Variants in FRAS1 observed in about 807,000 individuals in gnomAD.
FRAS1 encodes extracellular matrix organizing protein FRAS1.
Under a neutral mutation model 435.2 loss-of-function variants are expected in FRAS1, and 290 were observed. That is an observed-to-expected ratio of 0.67 (90% CI 0.61 to 0.73). The LOEUF (loss-of-function observed/expected upper bound fraction) is 0.73, where lower values mean the gene tolerates loss of function less well. FRAS1 is among the 30% of genes least tolerant of loss of function. FRAS1 has a pLI of 0.00. For missense variants in FRAS1, 4,860 were observed against 5,001.5 expected, an observed-to-expected ratio of 0.97 and a Z score of 0.85; for synonymous variants, 1,800 against 1,851.0, an observed-to-expected ratio of 0.97 and a Z score of 0.71.
intron 14 of FRAS1, among the ~76,000 whole-genome samples, chr4:78,293,982 C>T (rs72657047): frequency 0.22 from 33,357 of 152,204 alleles, 4,468 homozygotes; most frequent in East Asian, 0.37. Context: ...CCATTCTTCC[C>T]GACAAATCTG....
chr4:78,232,574 C>T (rs144937692), intron 2 of FRAS1, among the ~76,000 whole-genome samples: 2,218 of 152,170 alleles, frequency 0.015, 60 homozygotes, highest in African/African-American at 0.051. Context: ...CGTGAGCCAC[C>T]GTGCCTGGCT....
At position 78,205,479 on chromosome 4, in the gene FRAS1, C is replaced by A. The variant is rs144811618; in HGVS notation, c.109-32031C>A. 6.4e-4 allele frequency among the ~76,000 whole-genome samples: 98 copies of A among 152,288 alleles called. 1 individual carries two copies. The highest frequency in any genetic ancestry group is 2.3e-3 in the African/African-American group (95 of 41,554). On this transcript the variant is annotated intron_variant, in intron 2 of 73. Coordinates refer to ENST00000512123, the MANE Select transcript of FRAS1 (RefSeq NM_025074.7). ...AAAGTGCTGGGATTACAGGCATGAG[C>A]AACTGCGTCCAGCCTAGACTCTTTC...
chr4:78,114,733 T>G (rs1057007977), intron 2 of FRAS1, among the ~76,000 whole-genome samples: 13 of 152,184 alleles, frequency 8.5e-5, no homozygotes, highest in African/African-American at 1.2e-4. Context: ...TTTGGGCTGA[T>G]ACGATGGGGT....
chr4:78,418,976 C>A lies in FRAS1; in HGVS notation c.4453C>A (p.Gln1485Lys), dbSNP rs750784383. 8 of 1,604,272 alleles carry A rather than the reference C, an allele frequency of 5.0e-6. No individual in the cohort carries two copies. The highest frequency in any genetic ancestry group is 6.8e-6 in the Non-Finnish European group (8 of 1,175,526). Residue 1485 changes from glutamine to lysine, a missense_variant, in exon 33 of 74, where the codon CAG (glutamine) becomes AAG (lysine). By Grantham distance (53) the Gln-to-Lys change is moderately conservative. Coordinates refer to ENST00000512123, the MANE Select transcript of FRAS1 (RefSeq NM_025074.7). Reference sequence around the variant, plus strand: ...TAGAGAAGATGGCCTGACTGTTATTCAGCCTCATTCCCTCTCCTTCATAAA... The same window carrying A: ...TAGAGAAGATGGCCTGACTGTTATTAAGCCTCATTCCCTCTCCTTCATAAA... ...TAREDGLTVI[Q>K]PHSLSFINSE... is the part of the protein sequence containing the mutation.
At chr4:78,085,415 A>T (rs1193584714) in intron 2 of FRAS1, among the ~76,000 whole-genome samples, 2 of 152,156 alleles carry the variant, frequency 1.3e-5, no homozygotes, top group African/African-American at 2.4e-5. Flanking sequence ...AGGCATCCTG[A>T]TAAATAAGTC....
intron 18 of FRAS1, among the ~76,000 whole-genome samples, chr4:78,324,862 G>C (rs957695912): frequency 3.9e-5 from 6 of 151,998 alleles, no homozygotes; most frequent in South Asian, 2.1e-4. Flanking sequence ...AGAATGATTA[G>C]ATTAGCCATG....
At chr4:78,400,635 C>T (rs527364229) in intron 29 of FRAS1, 99 bp from the exon 30 acceptor site, 15 of 1,193,886 alleles carry the variant, frequency 1.3e-5, no homozygotes, top group South Asian at 1.6e-5. Flanking sequence ...TCTTATTAGA[C>T]GATCTTTAAC....
chr4:78,406,302 A>C (rs561247781), intron 30 of FRAS1, among the ~76,000 whole-genome samples: 2 of 152,326 alleles, frequency 1.3e-5, no homozygotes, highest in South Asian at 4.1e-4. Context: ...ATTAAATAGA[A>C]TTAATAGAAG....
intron 3 of FRAS1, among the ~76,000 whole-genome samples, chr4:78,241,798 T>C (rs1214036125): frequency 6.6e-6 from 1 of 152,058 alleles, no homozygotes; most frequent in African/African-American, 2.4e-5. Context: ...GAAATAGAGA[T>C]GAAAATCGCT....
chr4:78,193,199 G>A (rs761435364), intron 2 of FRAS1, among the ~76,000 whole-genome samples: 5 of 152,118 alleles, frequency 3.3e-5, no homozygotes, highest in Non-Finnish European at 5.9e-5. Context: ...CCAAGTATGT[G>A]GTCAATTTTG....
At chr4:78,504,719 T>C (rs1253647742) in intron 61 of FRAS1, among the ~76,000 whole-genome samples, 1 of 152,226 alleles carries the variant, frequency 6.6e-6, no homozygotes, top group Non-Finnish European at 1.5e-5. Context: ...ATTTAGCCCA[T>C]TTACATTTAA....
In FRAS1 at chr4:78,253,315, A is replaced by G. The variant is rs140372545; in HGVS notation, c.469+764A>G. On this transcript the variant is annotated intron_variant, in intron 5 of 73. Transcript: ENST00000512123. ...TTCCCTTATTCCCTGAAAATTGCTTATTCTGTTCTTTTTCAAGGTGTACTG... is the reference window on the plus strand; with the variant it reads ...TTCCCTTATTCCCTGAAAATTGCTTGTTCTGTTCTTTTTCAAGGTGTACTG... Among the ~76,000 whole-genome samples, 874 of 152,150 alleles carry G rather than the reference A, an allele frequency of 5.7e-3. 9 individuals are homozygous for G. Among genetic ancestry groups the G allele is most frequent in the African/African-American group, 0.02 (823 of 41,512 alleles).
chr4:78,091,214 G>T (rs1269408735), intron 2 of FRAS1, among the ~76,000 whole-genome samples: 2 of 151,952 alleles, frequency 1.3e-5, no homozygotes, highest in Non-Finnish European at 2.9e-5. Flanking sequence ...CAAAATCTTG[G>T]TTATGTAGCT....
chr4:78,425,856 C>T (rs902377142), intron 35 of FRAS1, among the ~76,000 whole-genome samples: 14 of 152,096 alleles, frequency 9.2e-5, no homozygotes, highest in Non-Finnish European at 1.3e-4. Context: ...GATAACCTGG[C>T]CAGGTGCAGT....
At position 78,277,657 on chromosome 4, in the gene FRAS1, G is replaced by A. The variant is rs1578223703; in HGVS notation, c.982-998G>A. ...ATTACACTTTCTAAATTATAGAATT[G>A]CAAATTATTTACATTTTTACAGCAA... On this transcript the variant is annotated intron_variant, in intron 9 of 73. Transcript: ENST00000512123. Among the ~76,000 whole-genome samples the A allele has an allele frequency of 3.3e-5, 5 of 151,862 alleles. No homozygotes were observed. The South Asian group carries it at 1.0e-3, about 32-fold the overall frequency.
At chr4:78,456,695 G>C (rs904405223) in intron 47 of FRAS1, among the ~76,000 whole-genome samples, 10 of 152,168 alleles carry the variant, frequency 6.6e-5, no homozygotes, top group Admixed American at 4.6e-4. Flanking sequence ...GAAGGGTAAT[G>C]GTGGCTAAAC....
chr4:78,152,126 G>C (rs977718261), intron 2 of FRAS1, among the ~76,000 whole-genome samples: 3 of 152,108 alleles, frequency 2.0e-5, no homozygotes, highest in Non-Finnish European at 4.4e-5. Context: ...GCTATAATTT[G>C]TCATATTATT....
At chr4:78,530,314 G>A (rs1721672680) in intron 70 of FRAS1, among the ~76,000 whole-genome samples, 1 of 152,106 alleles carries the variant, frequency 6.6e-6, no homozygotes, top group Non-Finnish European at 1.5e-5. Flanking sequence ...GGAAGTGGCA[G>A]AGGAAGAATG....
chr4:78,385,541 A>G (rs561706340), intron 28 of FRAS1, among the ~76,000 whole-genome samples: 1 of 152,256 alleles, frequency 6.6e-6, no homozygotes, highest in Admixed American at 6.5e-5. Context: ...AAATGATCCT[A>G]AGTTAATTTG....
Sources: gnomAD v4.1 joint callset for allele counts (sites outside exome capture counted in the v4.1 genomes callset) on GRCh38, gnomAD v4.1.1 for gene constraint, MANE v1.5 for transcripts, NCBI Gene and HGNC (gene_info 2026-07-23, HGNC 2026-07-21) for gene names.